BBS9: variants seen among roughly 807,000 people sequenced by gnomAD.
BBS9 encodes the protein Bardet-Biedl syndrome 9.
Under a neutral mutation model 117.7 loss-of-function variants are expected in BBS9, and 89 were observed. The observed-to-expected ratio is 0.76, with a 90% CI of 0.64 to 0.90. The LOEUF (loss-of-function observed/expected upper bound fraction) is 0.90. Among genes scored for constraint, BBS9 ranks in the 40% least tolerant of loss-of-function variants. The probability of loss-of-function intolerance (pLI) is 0.00; values close to 1 mark genes in which losing one functional copy is unlikely to be tolerated. For synonymous variants in BBS9, 379 were observed against 370.9 expected, an observed-to-expected ratio of 1.02 and a Z score of -0.25; for missense variants, 982 against 1,042.2, an observed-to-expected ratio of 0.94 and a Z score of 0.80.
In BBS9 at chr7:33,351,210, T is replaced by G; in HGVS notation, c.1433-9T>G. On this transcript the variant is annotated splice_polypyrimidine_tract_variant and intron_variant, in intron 13 of 22. Transcript: ENST00000242067. ...TATGTAATTTATATTATTTTTACAT[T>G]GCTTATAGCACCAGATTTGACTAGA... 1.3e-6 allele frequency: 2 copies of G among 1,561,364 alleles called. No homozygotes were observed. The highest frequency in any genetic ancestry group is 1.8e-6 in the Non-Finnish European group (2 of 1,132,570).
At chr7:33,280,911 G>GTTTTTTT (rs150736523) in intron 9 of BBS9, among the ~76,000 whole-genome samples, 122 of 79,344 alleles carry the variant, frequency 1.5e-3, no homozygotes, top group Middle Eastern at 8.5e-3. Flanking sequence ...TGTCGTTTTT[G>GTTTTTTT]TTTTTTTTTT....
chr7:33,575,430 A>C lies in BBS9; in HGVS notation c.2522-29435A>C, dbSNP rs559739899. Among the ~76,000 whole-genome samples, 17 of 152,274 alleles carry C rather than the reference A, an allele frequency of 1.1e-4. No individual in the cohort carries two copies. In the South Asian group the frequency reaches 2.7e-3, roughly 24 times the overall value. On this transcript the variant is annotated intron_variant, in intron 21 of 22. Coordinates refer to ENST00000242067, the MANE Select transcript of BBS9 (RefSeq NM_198428.3). ...GGCAATAATTAACAGCCTACCAACC[A>C]AAAGAAGTCCAGGACCAGATGGATT...
chr7:33,498,521 C>A (rs1368150746), intron 19 of BBS9, among the ~76,000 whole-genome samples: 1 of 152,078 alleles, frequency 6.6e-6, no homozygotes, highest in Non-Finnish European at 1.5e-5. Flanking sequence ...CTATTTACCA[C>A]CCACCCCCAG....
intron 19 of BBS9, among the ~76,000 whole-genome samples, chr7:33,421,217 A>T (rs1315085415): frequency 6.6e-6 from 1 of 152,080 alleles, no homozygotes; most frequent in African/African-American, 2.4e-5. Context: ...GATTCTACAA[A>T]CTGTGAGTCC....
chr7:33,590,967 C>T (rs180872488), intron 21 of BBS9, among the ~76,000 whole-genome samples: 1 of 151,988 alleles, frequency 6.6e-6, no homozygotes, highest in East Asian at 1.9e-4. Context: ...AGGCAGTTAG[C>T]TAGAGAGATT....
chr7:33,147,745 A>G (rs4720107), intron 2 of BBS9, among the ~76,000 whole-genome samples: 2 of 152,076 alleles, frequency 1.3e-5, no homozygotes, highest in Non-Finnish European at 2.9e-5. Flanking sequence ...AACATACTGT[A>G]CACTCATTCA....
chr7:33,151,188 G>A (rs1244565495), intron 2 of BBS9, among the ~76,000 whole-genome samples: 1 of 152,074 alleles, frequency 6.6e-6, no homozygotes, highest in African/African-American at 2.4e-5. Context: ...GGAGGTTGAG[G>A]CTGCAACAAG....
At chr7:33,533,685 T>C (rs1284045430) in intron 20 of BBS9, 6 of 505,926 alleles carry the variant, frequency 1.2e-5, no homozygotes, top group African/African-American at 1.9e-5. Context: ...ACCCTTCTCA[T>C]AGATCTCCAA....
chr7:33,541,858 C>T (rs1852359248), intron 21 of BBS9, among the ~76,000 whole-genome samples: 1 of 152,008 alleles, frequency 6.6e-6, no homozygotes, highest in Non-Finnish European at 1.5e-5. Context: ...GAAAAATGTT[C>T]TGAAATTAGA....
chr7:33,570,262 A>G lies in BBS9; in HGVS notation c.2522-34603A>G, dbSNP rs1857567598. Among the ~76,000 whole-genome samples, 3 of 152,222 alleles carry G rather than the reference A, an allele frequency of 2.0e-5. No individual in the cohort carries two copies. The South Asian group carries it at 6.2e-4, about 32-fold the overall frequency. On this transcript the variant is annotated intron_variant, in intron 21 of 22. Coordinates refer to ENST00000242067, the MANE Select transcript of BBS9 (RefSeq NM_198428.3). ...ACAAGATGAGCCAGAAGCATCTTCT[A>G]GTGCCAGAAGGCTGAAAGTGCGCTC...
chr7:33,378,546 G>A (rs1824331755), intron 17 of BBS9, among the ~76,000 whole-genome samples: 1 of 152,192 alleles, frequency 6.6e-6, no homozygotes, highest in Non-Finnish European at 1.5e-5. Flanking sequence ...AGAGCTCATA[G>A]GCCCCTGTTG....
chr7:33,144,199 G>A (rs1478226264), intron 1 of BBS9, among the ~76,000 whole-genome samples: 3 of 152,126 alleles, frequency 2.0e-5, no homozygotes, highest in Non-Finnish European at 4.4e-5. Context: ...TGCCTCTAGA[G>A]GCTATACTTT....
intron 5 of BBS9, among the ~76,000 whole-genome samples, chr7:33,190,274 C>G (rs1783901291): frequency 6.6e-6 from 1 of 152,038 alleles, no homozygotes. Flanking sequence ...CACCCGCCAC[C>G]ACACTCGGCT....
chr7:33,436,876 A>G (rs573049042), intron 19 of BBS9, among the ~76,000 whole-genome samples: 1 of 152,362 alleles, frequency 6.6e-6, no homozygotes, highest in African/African-American at 2.4e-5. Flanking sequence ...TTAAGCATGG[A>G]ATACTGTATA....
intron 1 of BBS9, among the ~76,000 whole-genome samples, chr7:33,134,643 G>C (rs768363693): frequency 2.0e-5 from 3 of 152,120 alleles, no homozygotes; most frequent in Non-Finnish European, 4.4e-5. Context: ...CCCAAGCTGA[G>C]AGGTGTGGTG....
At chr7:33,181,095 C>T (rs144142936) in intron 5 of BBS9, among the ~76,000 whole-genome samples, 20 of 152,224 alleles carry the variant, frequency 1.3e-4, no homozygotes, top group Admixed American at 2.0e-4. Flanking sequence ...TCTGCGATTC[C>T]GTGGTCACCT....
intron 1 of BBS9, among the ~76,000 whole-genome samples, chr7:33,142,131 C>G (rs1791571379): frequency 6.6e-6 from 1 of 152,028 alleles, no homozygotes; most frequent in Non-Finnish European, 1.5e-5. Flanking sequence ...CCGTGTTAGC[C>G]AAGATGGTTT....
intron 4 of BBS9, among the ~76,000 whole-genome samples, chr7:33,156,554 C>G (rs1272804800): frequency 1.3e-5 from 2 of 152,202 alleles, no homozygotes; most frequent in African/African-American, 2.4e-5. Flanking sequence ...TGCATATTTA[C>G]TGACTGAGTT....
chr7:33,286,719 T>G (rs1464388017), intron 9 of BBS9, among the ~76,000 whole-genome samples: 1 of 152,194 alleles, frequency 6.6e-6, no homozygotes, highest in Non-Finnish European at 1.5e-5. Context: ...TATATGCGGC[T>G]AAGCTCTTTG....
Sources: allele counts gnomAD v4.1 joint callset (sites outside exome capture counted in the v4.1 genomes callset), GRCh38; gene constraint gnomAD v4.1.1; transcripts MANE v1.5; gene names NCBI Gene and HGNC (gene_info 2026-07-23, HGNC 2026-07-21).